COL4A4: variants seen among roughly 807,000 people sequenced by gnomAD.
The protein encoded by COL4A4 is collagen type IV alpha 4 chain.
In COL4A4, 105 loss-of-function variants were observed where a neutral mutation model predicts 192.9. That is an observed-to-expected ratio of 0.54 (90% CI 0.46 to 0.64). COL4A4 has a LOEUF of 0.64. COL4A4 is among the 30% of genes least tolerant of loss of function. The pLI, the probability that COL4A4 is intolerant of heterozygous loss-of-function variation, is 0.00. For synonymous variants in COL4A4, 762 were observed against 769.9 expected, an observed-to-expected ratio of 0.99 and a Z score of 0.17; for missense variants, 1,967 against 2,169.3, an observed-to-expected ratio of 0.91 and a Z score of 1.85.
At chr2:227,078,565 CATATA>C (rs559241871) in intron 24 of COL4A4, among the ~76,000 whole-genome samples, 126 of 152,312 alleles carry the variant, frequency 8.3e-4, no homozygotes, top group African/African-American at 2.8e-3. Flanking sequence ...TATATACATA[CATATA>C]ATATAAGCAT....
intron 3 of COL4A4, among the ~76,000 whole-genome samples, chr2:227,141,335 A>G (rs1479664706): frequency 6.6e-6 from 1 of 152,210 alleles, no homozygotes. Context: ...CCTTTAGACC[A>G]CTGTATGATG....
At chr2:226,995,337 AC>A in the COL4A4 span, 1 of 752,674 alleles carries the variant, frequency 1.3e-6, no homozygotes, top group African/African-American at 1.8e-5. Flanking sequence ...TGAAGATGAC[AC>A]CCAAGCTATC....
chr2:227,092,984 G>T (rs2060020439), intron 20 of COL4A4, among the ~76,000 whole-genome samples: 1 of 152,178 alleles, frequency 6.6e-6, no homozygotes, highest in South Asian at 2.1e-4. Context: ...TGAAATGATT[G>T]CCCTTGGAGA....
chr2:227,045,380 C>T (rs1972258910), intron 35 of COL4A4, among the ~76,000 whole-genome samples: 1 of 152,060 alleles, frequency 6.6e-6, no homozygotes, highest in Admixed American at 6.6e-5. Context: ...TGAGGCTTCT[C>T]ACTTTGATAT....
In COL4A4 at chr2:227,022,015, G is replaced by T. The variant is rs1479223359; in HGVS notation, c.4216+33C>A. On this transcript the variant is annotated intron_variant, in intron 44 of 47. Transcript: ENST00000396625. ...GAATTTCATTTCAGCAATATATCAT[G>T]AAAATAATGAACAATCAGCATGCGG... 4 of 1,602,402 alleles carry T rather than the reference G, an allele frequency of 2.5e-6. No individual in the cohort carries two copies. The African/African-American group carries it at 5.4e-5, about 22-fold the overall frequency.
At chr2:227,071,231 A>T (rs1310052485) in intron 25 of COL4A4, among the ~76,000 whole-genome samples, 1 of 152,166 alleles carries the variant, frequency 6.6e-6, no homozygotes, top group African/African-American at 2.4e-5. Flanking sequence ...ATAGAAACCA[A>T]AGGCAGCAGG....
At chr2:227,125,121 TAAC>T (rs905557697) in intron 4 of COL4A4, among the ~76,000 whole-genome samples, 36 of 152,324 alleles carry the variant, frequency 2.4e-4, no homozygotes, top group African/African-American at 8.4e-4. Context: ...TGGAAATATT[TAAC>T]ACAACAGTTA....
intron 30 of COL4A4, among the ~76,000 whole-genome samples, chr2:227,055,702 C>G (rs977973093): frequency 2.0e-5 from 3 of 151,946 alleles, no homozygotes; most frequent in African/African-American, 4.8e-5. Context: ...ACCGTGCTAC[C>G]CAGTCTTCAT....
intron 14 of COL4A4, 126 bp downstream of exon 14, chr2:227,103,018 A>T (rs1559628916): frequency 1.9e-6 from 2 of 1,048,506 alleles, no homozygotes; most frequent in East Asian, 2.4e-5. Flanking sequence ...TTATGATAAG[A>T]TAGTGAAAAA....
chr2:227,086,925 G>A (rs2059632577), intron 22 of COL4A4, among the ~76,000 whole-genome samples: 1 of 152,190 alleles, frequency 6.6e-6, no homozygotes, highest in East Asian at 1.9e-4. Context: ...TTGTACATGT[G>A]ACAAGGGTAC....
intron 40 of COL4A4, among the ~76,000 whole-genome samples, chr2:227,031,463 G>T (rs916673054): frequency 6.6e-6 from 1 of 152,144 alleles, no homozygotes; most frequent in Non-Finnish European, 1.5e-5. Flanking sequence ...CCTTACCAAA[G>T]TTTGTCCCTG....
At chr2:226,987,108 A>G in the COL4A4 span, among the ~76,000 whole-genome samples, 2 of 152,214 alleles carry the variant, frequency 1.3e-5, no homozygotes, top group Non-Finnish European at 2.9e-5. Context: ...GTTCTCGCTC[A>G]TAAGTGGGAG....
chr2:226,971,669 A>G, the COL4A4 span, among the ~76,000 whole-genome samples: 1 of 152,184 alleles, frequency 6.6e-6, no homozygotes, highest in African/African-American at 2.4e-5. Context: ...AAATATTCAG[A>G]CAAGTTTCTT....
At chr2:227,109,411 C>A in intron 9 of COL4A4, 125 bp from the exon 10 acceptor site, 1 of 809,378 alleles carries the variant, frequency 1.2e-6, no homozygotes, top group South Asian at 1.4e-5. Flanking sequence ...GCACATCTGC[C>A]CTGCTAGGAC....
chr2:227,010,119 A>G (rs2149741467), intron 46 of COL4A4, among the ~76,000 whole-genome samples, 194 bp downstream of exon 46: 1 of 152,356 alleles, frequency 6.6e-6, no homozygotes, highest in South Asian at 2.1e-4. Context: ...TATAGCCAGA[A>G]TGAGCTTCTT....
At chr2:227,158,355 A>G (rs969321915) in intron 1 of COL4A4, among the ~76,000 whole-genome samples, 6 of 152,178 alleles carry the variant, frequency 3.9e-5, no homozygotes, top group Non-Finnish European at 8.8e-5. Flanking sequence ...GAGATCATTG[A>G]GGTAAAAGTA....
Position 227,161,894 on chromosome 2 carries a change from G to A in COL4A4, c.-102+2113C>T, listed in dbSNP as rs538819717. On this transcript the variant is annotated intron_variant, in intron 1 of 47. Coordinates refer to ENST00000396625, the MANE Select transcript of COL4A4 (RefSeq NM_000092.5). ...GAGCTCAGAAGAGCATCTCTACCACGTGCCACCATTTCTCATCAGGGCCAC... is the reference window on the plus strand; with the variant it reads ...GAGCTCAGAAGAGCATCTCTACCACATGCCACCATTTCTCATCAGGGCCAC... Among the ~76,000 whole-genome samples, 3 of 151,416 alleles carry A rather than the reference G, an allele frequency of 2.0e-5. No homozygotes were observed. In the East Asian group the frequency reaches 5.8e-4, roughly 29 times the overall value.
In COL4A4 at chr2:227,140,189, C is replaced by A. The variant is rs570529667; in HGVS notation, c.164G>T (p.Cys55Phe). 19 of 1,614,084 alleles carry A rather than the reference C, an allele frequency of 1.2e-5. No individual in the cohort carries two copies. In the Admixed American group the frequency reaches 3.2e-4, roughly 27 times the overall value. Residue 55 changes from cysteine to phenylalanine, a missense_variant, in exon 4 of 48, where the codon TGC becomes TTC. Transcript: ENST00000396625. ...AGACCCCTTTTCAGGAACACAGTGG[C>A]AAACAGAGCAATCTCTTCCTCCACA... ...GPCGGRDCSV[C>F]HCVPEKGSRG... is the part of the protein sequence containing the mutation.
chr2:227,156,968 C>T (rs917582135), intron 1 of COL4A4, among the ~76,000 whole-genome samples: 1 of 152,142 alleles, frequency 6.6e-6, no homozygotes, highest in African/African-American at 2.4e-5. Context: ...CTGAACAACA[C>T]TATCAACCAT....
Sources: allele counts gnomAD v4.1 joint callset (sites outside exome capture counted in the v4.1 genomes callset), GRCh38; gene constraint gnomAD v4.1.1; transcripts MANE v1.5; gene names NCBI Gene and HGNC (gene_info 2026-07-23, HGNC 2026-07-21).